SCTR: variants seen among roughly 807,000 people sequenced by gnomAD.
SCTR encodes pancreatic secretin receptor.
A neutral mutation model predicts 60.8 loss-of-function variants in SCTR; 56 were observed. That is an observed-to-expected ratio of 0.92 (90% CI 0.74 to 1.15). SCTR has a LOEUF of 1.15. SCTR is among the 50% of genes most tolerant of loss of function. The probability of loss-of-function intolerance (pLI) is 0.00; values close to 1 mark genes in which losing one functional copy is unlikely to be tolerated. For synonymous variants in SCTR, 202 were observed against 217.0 expected (o/e 0.93, Z 0.61); for missense variants, 562 against 550.4 (o/e 1.02, Z -0.21).
At chr2:119,495,154 T>C (rs1175660853) in intron 1 of SCTR, among the ~76,000 whole-genome samples, 2 of 152,024 alleles carry the variant, frequency 1.3e-5, no homozygotes, top group African/African-American at 2.4e-5. Flanking sequence ...CACACAGATA[T>C]ATATACACAC....
intron 1 of SCTR, among the ~76,000 whole-genome samples, chr2:119,518,646 T>C (rs566458728): frequency 6.6e-6 from 1 of 152,170 alleles, no homozygotes; most frequent in Non-Finnish European, 1.5e-5. Context: ...AGATAGCATC[T>C]GAGTATTGTG....
chr2:119,495,121 AC>A (rs1678295975), intron 1 of SCTR, among the ~76,000 whole-genome samples: 1 of 151,964 alleles, frequency 6.6e-6, no homozygotes, highest in Non-Finnish European at 1.5e-5. Context: ...TTACACACAC[AC>A]ACACACAAAT....
intron 2 of SCTR, among the ~76,000 whole-genome samples, chr2:119,489,042 G>T (rs1678011007): frequency 6.6e-6 from 1 of 152,204 alleles, no homozygotes. Context: ...GAGCCCAACA[G>T]GAATGCTGGG....
chr2:119,503,019 T>C (rs11898142), intron 1 of SCTR, among the ~76,000 whole-genome samples: 10,707 of 149,450 alleles, frequency 0.072, 1,059 homozygotes, highest in African/African-American at 0.22. Context: ...ATTAGCCAGG[T>C]GTGGTGGCAG....
At chr2:119,450,277 G>A (rs12479137) in intron 9 of SCTR, among the ~76,000 whole-genome samples, 92,378 of 151,856 alleles carry the variant, frequency 0.61, 29,046 homozygotes, top group Non-Finnish European at 0.69. Flanking sequence ...TGCATCAGGA[G>A]TGCTCATCCA....
intron 1 of SCTR, among the ~76,000 whole-genome samples, chr2:119,520,576 G>A (rs1294745783): frequency 6.6e-6 from 1 of 152,200 alleles, no homozygotes; most frequent in Non-Finnish European, 1.5e-5. Flanking sequence ...GGATCCAGAT[G>A]CATGACCGGA....
intron 5 of SCTR, among the ~76,000 whole-genome samples, chr2:119,464,568 T>C (rs1484810874): frequency 1.3e-5 from 2 of 152,142 alleles, no homozygotes; most frequent in African/African-American, 4.8e-5. Context: ...TTGAGACTTC[T>C]GTATCTACAA....
intron 4 of SCTR, among the ~76,000 whole-genome samples, chr2:119,471,605 C>T (rs937672699): frequency 1.3e-5 from 2 of 152,200 alleles, no homozygotes; most frequent in East Asian, 3.8e-4. Flanking sequence ...ACAACTTCCT[C>T]CCTTCTCCCT....
At chr2:119,451,966 GTC>G (rs1683187496) in intron 9 of SCTR, 42 bp downstream of exon 9, 1 of 1,264,114 alleles carries the variant, frequency 7.9e-7, no homozygotes, top group Non-Finnish European at 1.1e-6. Context: ...CACCATTTCC[GTC>G]TCTCCCACTG....
At chr2:119,485,681 C>T (rs2104874151) in intron 2 of SCTR, among the ~76,000 whole-genome samples, 1 of 152,300 alleles carries the variant, frequency 6.6e-6, no homozygotes, top group South Asian at 2.1e-4. Flanking sequence ...ATGGGGTCAC[C>T]AGGGAAGCCA....
intron 2 of SCTR, chr2:119,480,773 G>C (rs553057512): frequency 6.6e-6 from 1 of 152,392 alleles, no homozygotes; most frequent in South Asian, 2.1e-4. Context: ...CCCTCTGAGA[G>C]GTCATCGCTG....
chr2:119,454,673 G>A (rs1683303521), intron 7 of SCTR, among the ~76,000 whole-genome samples: 1 of 152,092 alleles, frequency 6.6e-6, no homozygotes, highest in African/African-American at 2.4e-5. Context: ...GGCCAACATG[G>A]CAAAACCCTG....
rs376981601 is a variant in SCTR at position 119,513,796 on chromosome 2, G to T, written c.72+10359C>A. Among the ~76,000 whole-genome samples, 16 of 152,270 alleles carry T rather than the reference G, an allele frequency of 1.1e-4. No individual in the cohort carries two copies. The East Asian group carries it at 1.9e-3, about 18-fold the overall frequency. On this transcript the variant is annotated intron_variant, in intron 1 of 12. Coordinates refer to ENST00000019103, the MANE Select transcript of SCTR (RefSeq NM_002980.3). ...CATTGCCTACTGTCTTCTCTGGGGTGTTCTTCAAGGAGCCCTTTGATTTTC... is the reference window on the plus strand; with the variant it reads ...CATTGCCTACTGTCTTCTCTGGGGTTTTCTTCAAGGAGCCCTTTGATTTTC...
intron 2 of SCTR, among the ~76,000 whole-genome samples, chr2:119,489,137 T>C (rs892181162): frequency 6.6e-6 from 1 of 152,100 alleles, no homozygotes; most frequent in Non-Finnish European, 1.5e-5. Flanking sequence ...CACCACTCCA[T>C]AGGGGAAGGC....
intron 4 of SCTR, among the ~76,000 whole-genome samples, chr2:119,467,461 T>A (rs1226612673): frequency 6.6e-6 from 1 of 152,056 alleles, no homozygotes; most frequent in Non-Finnish European, 1.5e-5. Flanking sequence ...AAAAGAATAA[T>A]TTTTACCAAC....
At chr2:119,518,562 C>G (rs1026132116) in intron 1 of SCTR, among the ~76,000 whole-genome samples, 7 of 152,192 alleles carry the variant, frequency 4.6e-5, no homozygotes, top group African/African-American at 1.7e-4. Flanking sequence ...AACAGACGCA[C>G]AATGTAGAGG....
intron 7 of SCTR, among the ~76,000 whole-genome samples, chr2:119,459,689 C>A (rs140914884): frequency 1.3e-5 from 2 of 152,254 alleles, no homozygotes; most frequent in East Asian, 3.9e-4. Flanking sequence ...ACAGTAGATG[C>A]TCCACAAAGA....
At chr2:119,481,134 G>A (rs1359919319) in intron 2 of SCTR, among the ~76,000 whole-genome samples, 1 of 152,252 alleles carries the variant, frequency 6.6e-6, no homozygotes, top group African/African-American at 2.4e-5. Flanking sequence ...GGTTGGACTA[G>A]GCTGGGTCCC....
At chr2:119,493,497 A>G (rs1678217065) in intron 2 of SCTR, among the ~76,000 whole-genome samples, 1 of 152,244 alleles carries the variant, frequency 6.6e-6, no homozygotes. Context: ...TAACATTTAA[A>G]TATAAACTTA....
Sources: allele counts gnomAD v4.1 joint callset (sites outside exome capture counted in the v4.1 genomes callset), GRCh38; gene constraint gnomAD v4.1.1; transcripts MANE v1.5; gene names NCBI Gene and HGNC (gene_info 2026-07-23, HGNC 2026-07-21).